P3H4: variants seen among roughly 807,000 people sequenced by gnomAD.
P3H4 encodes the protein endoplasmic reticulum protein SC65.
P3H4 carries 47 observed loss-of-function variants against 52.9 expected under a neutral mutation model. That is an observed-to-expected ratio of 0.89 (90% CI 0.70 to 1.13). The LOEUF is 1.13. P3H4 is among the 50% of genes most tolerant of loss of function. The probability of loss-of-function intolerance (pLI) is 0.00; values close to 1 mark genes in which losing one functional copy is unlikely to be tolerated. For missense variants in P3H4, 585 were observed against 611.0 expected (o/e 0.96, Z 0.45); for synonymous variants, 256 against 267.9 (o/e 0.96, Z 0.44).
chr17:41,804,777 C>G (rs1555613964), intron 6 of P3H4, among the ~76,000 whole-genome samples: 2 of 151,914 alleles, frequency 1.3e-5, no homozygotes. Flanking sequence ...TGAGACCAGC[C>G]TGGCCAACGT....
chr17:41,809,995 T>C (rs1404216287), intron 3 of P3H4, among the ~76,000 whole-genome samples, 161 bp from the exon 4 acceptor site: 4 of 151,974 alleles, frequency 2.6e-5, no homozygotes, highest in Non-Finnish European at 5.9e-5. Flanking sequence ...TGTAAAGTGC[T>C]TGGCATACTA....
rs571053246 is a variant in P3H4 at position 41,809,971 on chromosome 17, C to T, written c.788-137G>A. ...AGAAAATGTGTTGCTGTTGCAATCA[C>T]AGGAGAGAATGTCTGTAAAGTGCTT... On this transcript the variant is annotated intron_variant, in intron 3 of 7. Transcript: ENST00000393928. The T allele has an allele frequency of 6.0e-6, 6 of 998,156 alleles. No individual in the cohort carries two copies. The African/African-American group carries it at 8.0e-5, about 13-fold the overall frequency. The allele number at this position is 998,156 out of a possible 1,614,324, so 61.8% of individuals were successfully genotyped here. A position where few individuals can be genotyped will look rare whatever the true frequency, so the allele number is the denominator to read the frequency against.
In P3H4 at chr17:41,806,793, C is replaced by T; in HGVS notation, c.1146+3G>A. The T allele has an allele frequency of 6.2e-7, 1 of 1,612,704 alleles. No homozygotes were observed. The highest frequency in any genetic ancestry group is 8.5e-7 in the Non-Finnish European group (1 of 1,179,220). On this transcript the variant is annotated splice_donor_region_variant and intron_variant, in intron 6 of 7. Coordinates refer to ENST00000393928, the MANE Select transcript of P3H4 (RefSeq NM_006455.3). ...CCAATCCTGGAAAGCAGGAGGCACT[C>T]ACCTCATCATCTGACTGCAGGTACA...
intron 6 of P3H4, among the ~76,000 whole-genome samples, chr17:41,804,501 G>A (rs759309295): frequency 5.3e-5 from 8 of 151,916 alleles, no homozygotes; most frequent in Non-Finnish European, 1.0e-4. Flanking sequence ...GGTGGCACAC[G>A]CCTGTAATCC....
chr17:41,811,686 T>A lies in P3H4; in HGVS notation c.230A>T (p.His77Leu). The A allele has an allele frequency of 6.9e-7, 1 of 1,449,138 alleles. No individual in the cohort carries two copies. Among genetic ancestry groups the A allele is most frequent in the Non-Finnish European group, 9.0e-7 (1 of 1,112,578 alleles). The allele number at this position is 1,449,138 out of a possible 1,614,324, so 89.8% of individuals were successfully genotyped here. The change falls in exon 1 of 8, where the codon CAC becomes CTC. Residue 77 changes from histidine (H) to leucine (L), a missense_variant. Transcript: ENST00000393928. This position sits in a 1 kb window ranked among gnomAD's most constrained non-coding sequence, Gnocchi z 4.8. ...GGGCGCGGGGCCGCTGCAGTTGGCGTGGCAGAAGGCCTCGCTGTCGCGCAG... is the reference window on the plus strand; with the variant it reads ...GGGCGCGGGGCCGCTGCAGTTGGCGAGGCAGAAGGCCTCGCTGTCGCGCAG... The part of the protein sequence containing the change: ...RLLRDSEAFC[H>L]ANCSGPAPAA...
Position 41,807,960 on chromosome 17 carries a change from G to C in P3H4, c.961C>G (p.Leu321Val). Reference protein sequence around the residue: ...QAARSAASYMLFDPKDSVMQQ... With the variant: ...QAARSAASYMVFDPKDSVMQQ... Reference sequence around the variant, plus strand: ...ATGACGCTGTCCTTGGGGTCGAAGAGCATGTAGCTGGCGGCGCTGCGGGCA... The same window carrying C: ...ATGACGCTGTCCTTGGGGTCGAAGACCATGTAGCTGGCGGCGCTGCGGGCA... Residue 321 changes from leucine to valine, a missense_variant, in exon 5 of 8, where the codon CTC becomes GTC. Physicochemically the swap from Leu to Val is conservative, Grantham distance 32. Transcript: ENST00000393928. 4 of 1,614,164 alleles carry C rather than the reference G, an allele frequency of 2.5e-6. No individual in the cohort carries two copies. The highest frequency in any genetic ancestry group is 3.4e-6 in the Non-Finnish European group (4 of 1,180,002).
At chr17:41,803,020 C>A (rs782598512) in intron 7 of P3H4, 41 bp from the exon 8 acceptor site, 1 of 1,604,920 alleles carries the variant, frequency 6.2e-7, no homozygotes, top group Admixed American at 1.8e-5. Flanking sequence ...GCTCCCCCAC[C>A]CACTCCCAAT....
intron 5 of P3H4, 23 bp from the exon 6 acceptor site, chr17:41,806,902 T>G (rs1597895718): frequency 6.2e-7 from 1 of 1,600,170 alleles, no homozygotes. Context: ...AAGGACGGGG[T>G]GGGGGGTGAG....
intron 6 of P3H4, among the ~76,000 whole-genome samples, chr17:41,804,904 T>C (rs1368042001): frequency 1.3e-5 from 2 of 150,106 alleles, no homozygotes; most frequent in Non-Finnish European, 3.0e-5. Context: ...ACCCAAGAGG[T>C]GGAGGTTGCA....
rs782100775 is a variant in P3H4 at position 41,810,855 on chromosome 17, G to A, written c.787+8C>T. 6.0e-5 allele frequency: 96 copies of A among 1,609,668 alleles called. No individual in the cohort carries two copies. Among genetic ancestry groups the A allele is most frequent in the Non-Finnish European group, 7.4e-5 (87 of 1,176,990 alleles). On this transcript the variant is annotated splice_region_variant and intron_variant, in intron 3 of 7. Transcript: ENST00000393928. The stretch of plus-strand genomic sequence containing the variant: ...AGGACCGCCCACCGTGGTCTGGGTG[G>A]CAGATACCTGCTATGGCCGGGTAGA...
In P3H4 at chr17:41,809,826, C is replaced by A. The variant is rs540723159; in HGVS notation, c.796G>T (p.Ala266Ser). ...TCCACCTTGCACTGCAGGGACTCTG[C>A]AAAGAGATCTGAGGGTGGGAGGCAG... The part of the protein sequence containing the change: ...DFYPAIADLF[A>S]ESLQCKVDCE... Residue 266 changes from alanine to serine, a missense_variant, in exon 4 of 8, where the codon GCA becomes TCA. Coordinates refer to ENST00000393928, the MANE Select transcript of P3H4 (RefSeq NM_006455.3). The A allele has an allele frequency of 6.2e-7, 1 of 1,611,302 alleles. No homozygotes were observed. Among genetic ancestry groups the A allele is most frequent in the East Asian group, 2.2e-5 (1 of 44,822 alleles).
rs1315503382 is a variant in P3H4, at chr17:41,802,661, C to T, written c.*296G>A. The T allele has an allele frequency of 5.8e-6, 2 of 346,516 alleles. No homozygotes were observed. Among genetic ancestry groups the T allele is most frequent in the Non-Finnish European group, 1.0e-5 (2 of 191,320 alleles). 21.5% of individuals were successfully genotyped at this position (346,516 alleles called of 1,614,324 possible). A position where few individuals can be genotyped will look rare whatever the true frequency, so the allele number is the denominator to read the frequency against. ...TTGCCTCCCAGGTTCAAGCGATTCTCCTGCCTCAGCCTCTTGAGTAGCTGG... is the reference window on the plus strand; with the variant it reads ...TTGCCTCCCAGGTTCAAGCGATTCTTCTGCCTCAGCCTCTTGAGTAGCTGG... On this transcript the variant is annotated 3_prime_UTR_variant, in exon 8 of 8. Transcript: ENST00000393928.
Position 41,811,628 on chromosome 17 carries a change from T to C in P3H4, c.288A>G (p.Ala96=), listed in dbSNP as rs941494557. The C allele has an allele frequency of 6.8e-7, 1 of 1,470,954 alleles. No homozygotes were observed. The highest frequency in any genetic ancestry group is 1.4e-5 in the South Asian group (1 of 71,944). The allele number at this position is 1,470,954 out of a possible 1,614,324, so 91.1% of individuals were successfully genotyped here. ...AAKPDPDGGR[A]DEWACELRLF... ...GCCGCAGCTCGCAGGCCCACTCGTC[T>C]GCGCGGCCGCCGTCGGGATCGGGCT... The change falls in exon 1 of 8, where the codon GCA becomes GCG. Residue 96 remains alanine (A), a synonymous_variant. Coordinates refer to ENST00000393928, the MANE Select transcript of P3H4 (RefSeq NM_006455.3). The surrounding 1 kb of genome is among the most constrained non-coding windows in gnomAD (Gnocchi z 4.8).
chr17:41,805,648 A>C (rs2047666602), intron 6 of P3H4, among the ~76,000 whole-genome samples: 1 of 152,090 alleles, frequency 6.6e-6, no homozygotes, highest in African/African-American at 2.4e-5. Context: ...TTCTCACCAC[A>C]ACAATGTGAG....
chr17:41,811,340 C>T lies in P3H4; in HGVS notation c.463-56G>A. ...GTCAGCAAGACCGGAGCTCGCGGCC[C>T]CGAGCGCACGGCGGGCTTCGTGCCT... On this transcript the variant is annotated intron_variant, in intron 1 of 7. Transcript: ENST00000393928. The surrounding 1 kb of genome is among the most constrained non-coding windows in gnomAD (Gnocchi z 4.8). The T allele has an allele frequency of 6.2e-7, 1 of 1,608,598 alleles. No homozygotes were observed. Among genetic ancestry groups the T allele is most frequent in the South Asian group, 1.1e-5 (1 of 90,912 alleles).
At chr17:41,803,186 CCACA>C in intron 7 of P3H4, 97 bp downstream of exon 7, 3 of 1,512,312 alleles carry the variant, frequency 2.0e-6, no homozygotes, top group Non-Finnish European at 8.9e-7. Flanking sequence ...GCCCCAGCAC[CCACA>C]CACACCCTGG....
rs782818872 is a variant in P3H4 at position 41,807,939 on chromosome 17, C to T, written c.982G>A (p.Val328Ile). The T allele has an allele frequency of 3.1e-6, 5 of 1,614,096 alleles. No individual in the cohort carries two copies. The highest frequency in any genetic ancestry group is 4.5e-5 in the East Asian group (2 of 44,904). The change falls in exon 5 of 8, where the codon GTC becomes ATC. Residue 328 changes from valine (V) to isoleucine (I), a missense_variant. Physicochemically the swap from Val to Ile is conservative, Grantham distance 29. Transcript: ENST00000393928. Reference sequence around the variant, plus strand: ...TAATACACCAGGTTCTGCTGCATGACGCTGTCCTTGGGGTCGAAGAGCATG... The same window carrying T: ...TAATACACCAGGTTCTGCTGCATGATGCTGTCCTTGGGGTCGAAGAGCATG... ...SYMLFDPKDS[V>I]MQQNLVYYRF...
At chr17:41,808,257 C>T (rs966950017) in intron 4 of P3H4, among the ~76,000 whole-genome samples, 21 of 152,204 alleles carry the variant, frequency 1.4e-4, no homozygotes, top group Non-Finnish European at 2.5e-4. Flanking sequence ...CTCTATCACC[C>T]TGGCTAGAGT....
Position 41,810,934 on chromosome 17 carries a change from G to C in P3H4, c.716C>G (p.Ala239Gly). The part of the protein sequence containing the change: ...RALSEYLAVF[A>G]RCLAGCEGAH... ...CCCTTCACAGCCGGCCAGGCACCGG[G>C]CAAAGACTGCCAGGTACTCTGACAA... is the stretch of plus-strand genomic sequence containing the variant. The change falls in exon 3 of 8, where the codon GCC becomes GGC. Residue 239 changes from alanine to glycine, a missense_variant. Ala to Gly is a moderately conservative substitution (Grantham distance 60). Coordinates refer to ENST00000393928, the MANE Select transcript of P3H4 (RefSeq NM_006455.3). 6.2e-7 allele frequency: 1 copy of C among 1,614,182 alleles called. No individual in the cohort carries two copies. Among genetic ancestry groups the C allele is most frequent in the Admixed American group, 1.7e-5 (1 of 60,026 alleles).
Sources: gnomAD v4.1 joint callset for allele counts (sites outside exome capture counted in the v4.1 genomes callset) on GRCh38, gnomAD v4.1.1 for gene constraint, Gnocchi (gnomAD v3.1) non-coding constraint, MANE v1.5 for transcripts, NCBI Gene and HGNC (gene_info 2026-07-23, HGNC 2026-07-21) for gene names.